Variants in AFF2 observed in about 807,000 individuals in gnomAD.
AFF2 encodes AF4/FMR2 family member 2.
In AFF2, 14 loss-of-function variants were observed where a neutral mutation model predicts 76.9. The observed-to-expected ratio is 0.18, with a 90% CI of 0.12 to 0.28. The LOEUF (loss-of-function observed/expected upper bound fraction) is 0.28, where lower values mean the gene tolerates loss of function less well. AFF2 is among the 10% of genes least tolerant of loss of function. The pLI is 1.00. For synonymous variants in AFF2, 398 were observed against 366.7 expected (o/e 1.09, Z -0.98); for missense variants, 868 against 1,001.1 (o/e 0.87, Z 1.79).
chrX:148,959,571 G>T (rs1258557062), intron 12 of AFF2, among the ~76,000 whole-genome samples: 3 of 112,475 alleles, frequency 2.7e-5, no homozygotes, highest in Non-Finnish European at 3.8e-5. Context: ...ATTACCACTA[G>T]ATCTGGTTTA....
chrX:148,914,711 A>G (rs1280063100), intron 9 of AFF2, among the ~76,000 whole-genome samples: 1 of 112,113 alleles, frequency 8.9e-6, no homozygotes, highest in Admixed American at 9.4e-5. Context: ...ATTTTTCAAA[A>G]TGTTTCTTTC....
intron 1 of AFF2, among the ~76,000 whole-genome samples, chrX:148,600,486 C>T (rs1031175836): frequency 2.7e-5 from 3 of 111,618 alleles, no homozygotes; most frequent in African/African-American, 6.5e-5. Context: ...GTCAAGTCGA[C>T]GGGCGTTATT....
chrX:148,543,694 A>G (rs1280061319), intron 1 of AFF2, among the ~76,000 whole-genome samples: 9 of 112,150 alleles, frequency 8.0e-5, no homozygotes, highest in African/African-American at 2.9e-4. Flanking sequence ...GTTGTTTAAC[A>G]ACCCTAATTA....
rs781906614 is a variant in AFF2, at chrX:148,686,605, G to A, written c.1041+23837G>A. On this transcript the variant is annotated intron_variant, in intron 3 of 20. Transcript: ENST00000370460. Reference sequence around the variant, plus strand: ...TCTTTCAGTCAATTTCCTCAACTGGGAATGATGATAATATATGTATCAAGT... The same window carrying A: ...TCTTTCAGTCAATTTCCTCAACTGGAAATGATGATAATATATGTATCAAGT... 9.0e-5 allele frequency among the ~76,000 whole-genome samples: 10 copies of A among 111,703 alleles called. No individual in the cohort carries two copies. The South Asian group carries it at 3.8e-3, about 42-fold the overall frequency.
intron 3 of AFF2, among the ~76,000 whole-genome samples, chrX:148,701,999 A>G (rs1557261927): frequency 8.9e-6 from 1 of 112,449 alleles, no homozygotes; most frequent in Non-Finnish European, 1.9e-5. Context: ...TGAACCATGT[A>G]TAGATATTTT....
At chrX:148,506,783 A>G (rs1293986929) in intron 1 of AFF2, among the ~76,000 whole-genome samples, 2 of 111,619 alleles carry the variant, frequency 1.8e-5, no homozygotes, top group Non-Finnish European at 3.8e-5. Flanking sequence ...ATATGTATTA[A>G]TTGATTGGAC....
At chrX:148,895,180 T>C (rs1421766511) in intron 8 of AFF2, among the ~76,000 whole-genome samples, 1 of 111,310 alleles carries the variant, frequency 9.0e-6, no homozygotes, top group African/African-American at 3.3e-5. Flanking sequence ...AAAGCTGAAA[T>C]TGCTTACTGG....
At chrX:148,881,733 T>A (rs2071098765) in intron 7 of AFF2, among the ~76,000 whole-genome samples, 1 of 111,073 alleles carries the variant, frequency 9.0e-6, no homozygotes, top group Admixed American at 9.6e-5. Context: ...AAATTATTAT[T>A]CCCACCTCTA....
At chrX:148,625,030 T>C (rs1557251824) in intron 1 of AFF2, among the ~76,000 whole-genome samples, 3 of 111,276 alleles carry the variant, frequency 2.7e-5, no homozygotes, top group Admixed American at 1.9e-4. Context: ...TAGATGAGTT[T>C]GTCTCTTGTG....
chrX:148,930,677 A>C, intron 9 of AFF2, among the ~76,000 whole-genome samples: 1 of 112,402 alleles, frequency 8.9e-6, no homozygotes. Flanking sequence ...TGTATCACAA[A>C]TAAAGCAAGG....
At chrX:148,950,371 G>T (rs1255791852) in intron 9 of AFF2, among the ~76,000 whole-genome samples, 2 of 111,869 alleles carry the variant, frequency 1.8e-5, no homozygotes, top group Non-Finnish European at 3.8e-5. Context: ...GTGCTGGTGA[G>T]AGCAATTTTG....
In AFF2 at chrX:148,966,815, C is replaced by T. The variant is rs1557288780; in HGVS notation, c.2939C>T (p.Ser980Phe). 8.3e-7 allele frequency: 1 copy of T among 1,211,004 alleles called. No individual in the cohort carries two copies. ...VNEGDTPKKASSATITVTNTA... is the reference protein window; with the variant it reads ...VNEGDTPKKAFSATITVTNTA... ...GAGGGAGACACTCCAAAAAAGGCATCCTCTGCCACCATCACTGTCACCAAT... is the reference window on the plus strand; with the variant it reads ...GAGGGAGACACTCCAAAAAAGGCATTCTCTGCCACCATCACTGTCACCAAT... The change falls in exon 14 of 21, where the codon TCC (serine) becomes TTC (phenylalanine). Residue 980 changes from serine to phenylalanine, a missense_variant. Around this residue, in one of 6 missense-constraint regions of AFF2, gnomAD observed 532 missense variants for 564.2 expected, o/e 0.94. Coordinates refer to ENST00000370460, the MANE Select transcript of AFF2 (RefSeq NM_002025.4).
chrX:148,622,014 A>T (rs1049511665), intron 1 of AFF2, among the ~76,000 whole-genome samples: 28 of 112,527 alleles, frequency 2.5e-4, no homozygotes, highest in African/African-American at 8.7e-4. Flanking sequence ...TCAATTGTTT[A>T]CTTGAAATCC....
intron 3 of AFF2, among the ~76,000 whole-genome samples, chrX:148,691,506 A>G (rs965439024): frequency 1.8e-5 from 2 of 111,751 alleles, no homozygotes; most frequent in Non-Finnish European, 3.8e-5. Context: ...AGTCACTAAG[A>G]AGAACTAATT....
chrX:148,946,727 T>C (rs1247326002), intron 9 of AFF2, among the ~76,000 whole-genome samples: 1 of 112,222 alleles, frequency 8.9e-6, no homozygotes, highest in Non-Finnish European at 1.9e-5. Flanking sequence ...GCTGCCACAT[T>C]CCTTGACTTT....
At chrX:148,892,427 C>T (rs186711056) in intron 8 of AFF2, among the ~76,000 whole-genome samples, 2 of 110,180 alleles carry the variant, frequency 1.8e-5, no homozygotes, top group Admixed American at 9.7e-5. Context: ...ATATTTGATC[C>T]ATTTTGATTT....
At chrX:148,953,867 C>A in intron 10 of AFF2, 128 bp downstream of exon 10, 1 of 609,631 alleles carries the variant, frequency 1.6e-6, no homozygotes, top group Non-Finnish European at 2.4e-6. Context: ...ATTAATTTAG[C>A]ATGATAACCA....
intron 1 of AFF2, among the ~76,000 whole-genome samples, chrX:148,564,918 T>C (rs2053152684): frequency 8.9e-6 from 1 of 112,555 alleles, no homozygotes; most frequent in Non-Finnish European, 1.9e-5. Flanking sequence ...TTTAATGTCA[T>C]GGTCCTGTTT....
chrX:148,886,347 G>A (rs782692617), intron 8 of AFF2, among the ~76,000 whole-genome samples: 4 of 111,012 alleles, frequency 3.6e-5, no homozygotes, highest in Non-Finnish European at 7.6e-5. Context: ...CTGGTGTGAG[G>A]CTTGGAACCC....
Sources: gnomAD v4.1 joint callset for allele counts (sites outside exome capture counted in the v4.1 genomes callset) on GRCh38, gnomAD v4.1.1 for gene constraint, gnomAD v4.1.1 regional missense constraint, MANE v1.5 for transcripts, NCBI Gene and HGNC (gene_info 2026-07-23, HGNC 2026-07-21) for gene names.